GRIP1: variants seen among roughly 807,000 people sequenced by gnomAD.
The protein encoded by GRIP1 is glutamate receptor-interacting protein 1.
Under a neutral mutation model 129.9 loss-of-function variants are expected in GRIP1, and 45 were observed. That is an observed-to-expected ratio of 0.35 (90% CI 0.27 to 0.44). GRIP1 has a LOEUF of 0.44. GRIP1 is among the 20% of genes least tolerant of loss of function. GRIP1 has a pLI of 1.00. For synonymous variants in GRIP1, 530 were observed against 520.8 expected, an observed-to-expected ratio of 1.02 and a Z score of -0.24; for missense variants, 1,196 against 1,396.8, an observed-to-expected ratio of 0.86 and a Z score of 2.29.
rs748989365 is a variant in GRIP1 at position 66,392,708 on chromosome 12, A to G, written c.2238T>C (p.Thr746=). Residue 746 remains threonine (T), a synonymous_variant, in exon 18 of 25, where the codon ACT becomes ACC. Transcript: ENST00000359742. ...AIHLLQMAGE[T]VTLKIKKQTD... is the part of the protein sequence containing the mutation. ...TCTGTTTCTTAATTTTCAAGGTGACAGTCTCTCCTGCCATCTGTAACAAAT... is the reference window on the plus strand; with the variant it reads ...TCTGTTTCTTAATTTTCAAGGTGACGGTCTCTCCTGCCATCTGTAACAAAT... 6.2e-7 allele frequency: 1 copy of G among 1,614,072 alleles called. No individual in the cohort carries two copies.
At chr12:66,597,465 A>G (rs186994778) in intron 1 of GRIP1, among the ~76,000 whole-genome samples, 179 of 152,280 alleles carry the variant, frequency 1.2e-3, no homozygotes, top group African/African-American at 4.3e-3. Flanking sequence ...GTGAACTGGC[A>G]GCCAGTGCAA....
At chr12:66,800,121 A>G (rs1016376508) in intron 1 of GRIP1, among the ~76,000 whole-genome samples, 3 of 152,154 alleles carry the variant, frequency 2.0e-5, no homozygotes, top group Admixed American at 6.6e-5. Flanking sequence ...GCAAACAACA[A>G]CAACAAAACA....
intron 1 of GRIP1, among the ~76,000 whole-genome samples, chr12:66,886,307 T>C (rs1628206): frequency 0.95 from 144,423 of 152,188 alleles, 68,960 homozygotes; most frequent in East Asian, 1. Context: ...CCTATATAAT[T>C]GAGGCTTTTA....
chr12:67,016,404 T>A (rs1336258682), intron 1 of GRIP1, among the ~76,000 whole-genome samples: 2 of 152,134 alleles, frequency 1.3e-5, no homozygotes. Flanking sequence ...AATAAGACCC[T>A]TTATTCTTAT....
intron 1 of GRIP1, among the ~76,000 whole-genome samples, chr12:66,670,114 T>C (rs911748585): frequency 6.6e-6 from 1 of 152,126 alleles, no homozygotes; most frequent in Non-Finnish European, 1.5e-5. Flanking sequence ...GCTATGTCCA[T>C]TAGCATTGAA....
At chr12:66,572,406 G>C (rs937463535) in intron 2 of GRIP1, among the ~76,000 whole-genome samples, 1 of 152,268 alleles carries the variant, frequency 6.6e-6, no homozygotes, top group Non-Finnish European at 1.5e-5. Flanking sequence ...TAAAGGTAAA[G>C]TGTGTTTCCT....
At chr12:66,999,116 G>A (rs1276208063) in intron 1 of GRIP1, among the ~76,000 whole-genome samples, 1 of 152,108 alleles carries the variant, frequency 6.6e-6, no homozygotes, top group Non-Finnish European at 1.5e-5. Flanking sequence ...GGAAAAAACA[G>A]TTCCAAGACT....
At chr12:66,516,872 G>C (rs996033449) in intron 6 of GRIP1, among the ~76,000 whole-genome samples, 37 of 152,182 alleles carry the variant, frequency 2.4e-4, no homozygotes, top group African/African-American at 8.4e-4. Context: ...GAGTTTCAAA[G>C]GAAAAGAAGC....
At chr12:66,767,946 AG>A (rs1592825825) in intron 1 of GRIP1, among the ~76,000 whole-genome samples, 1 of 152,252 alleles carries the variant, frequency 6.6e-6, no homozygotes, top group East Asian at 1.9e-4. Context: ...GGAAGAGGGG[AG>A]GGTTAAGAAT....
At chr12:66,527,777 A>C (rs1818849874) in intron 5 of GRIP1, among the ~76,000 whole-genome samples, 1 of 152,128 alleles carries the variant, frequency 6.6e-6, no homozygotes, top group South Asian at 2.1e-4. Context: ...GACACAAAGA[A>C]GGGAACAACA....
At chr12:66,596,210 A>T (rs529892533) in intron 2 of GRIP1, among the ~76,000 whole-genome samples, 2 of 152,218 alleles carry the variant, frequency 1.3e-5, no homozygotes, top group African/African-American at 4.8e-5. Flanking sequence ...TTCCTCTTTA[A>T]TTTCAGAACT....
intron 1 of GRIP1, among the ~76,000 whole-genome samples, chr12:66,634,930 TC>T (rs1446934236): frequency 2.6e-5 from 4 of 152,234 alleles, no homozygotes. Flanking sequence ...TTTATTTTAG[TC>T]TTTCTTTATA....
intron 7 of GRIP1, among the ~76,000 whole-genome samples, chr12:66,466,884 T>C (rs948773783): frequency 1.3e-5 from 2 of 152,308 alleles, no homozygotes; most frequent in South Asian, 4.1e-4. Flanking sequence ...CCCACTCAGA[T>C]ATAGTGAAAT....
intron 1 of GRIP1, among the ~76,000 whole-genome samples, chr12:66,723,304 CTTT>C (rs57938064): frequency 1.2e-4 from 7 of 58,428 alleles, no homozygotes; most frequent in African/African-American, 3.4e-4. Context: ...TTCTTTCTTT[CTTT>C]TTTTTTTTTT....
chr12:66,865,043 T>A (rs2040178818), intron 1 of GRIP1, among the ~76,000 whole-genome samples: 1 of 152,180 alleles, frequency 6.6e-6, no homozygotes. Context: ...AATTTTTAAA[T>A]TAGAAGTAAC....
intron 19 of GRIP1, among the ~76,000 whole-genome samples, chr12:66,390,644 A>C (rs912580385): frequency 7.2e-5 from 11 of 152,234 alleles, no homozygotes; most frequent in African/African-American, 2.7e-4. Context: ...AGAACTAATT[A>C]ATATCAATAG....
At chr12:66,717,006 T>C (rs1440667669) in intron 1 of GRIP1, among the ~76,000 whole-genome samples, 2 of 152,102 alleles carry the variant, frequency 1.3e-5, no homozygotes, top group African/African-American at 4.8e-5. Context: ...TTACTATTTA[T>C]ATAACTCTGC....
chr12:66,508,664 TTA>T (rs2060610705), intron 7 of GRIP1, among the ~76,000 whole-genome samples: 1 of 152,094 alleles, frequency 6.6e-6, no homozygotes, highest in Non-Finnish European at 1.5e-5. Context: ...GAAAAATATT[TTA>T]GTTATTGTTC....
chr12:66,760,731 T>G (rs2037448708), intron 1 of GRIP1, among the ~76,000 whole-genome samples: 1 of 152,174 alleles, frequency 6.6e-6, no homozygotes, highest in Admixed American at 6.5e-5. Context: ...TATTATGAAT[T>G]TAACTGGAGA....
Sources: gnomAD v4.1 joint callset for allele counts (sites outside exome capture counted in the v4.1 genomes callset) on GRCh38, gnomAD v4.1.1 for gene constraint, MANE v1.5 for transcripts, NCBI Gene and HGNC (gene_info 2026-07-23, HGNC 2026-07-21) for gene names.